The following MAP3K5 variants were observed in gnomAD, a reference collection of about 807,000 sequenced individuals.
The protein encoded by MAP3K5 is ASK-1.
Under a neutral mutation model 158.7 loss-of-function variants are expected in MAP3K5, and 56 were observed. The observed-to-expected ratio is 0.35, with a 90% CI of 0.28 to 0.44. The LOEUF (loss-of-function observed/expected upper bound fraction) is 0.44. MAP3K5 is among the 20% of genes least tolerant of loss of function. MAP3K5 has a pLI of 1.00. For synonymous variants in MAP3K5, 579 were observed against 601.7 expected (o/e 0.96, Z 0.55); for missense variants, 1,294 against 1,674.8 (o/e 0.77, Z 3.97).
At chr6:136,643,380 T>C (rs1230830216) in intron 11 of MAP3K5, among the ~76,000 whole-genome samples, 1 of 152,190 alleles carries the variant, frequency 6.6e-6, no homozygotes, top group Non-Finnish European at 1.5e-5. Flanking sequence ...AGTTTATCCA[T>C]GTGTCTAAGT....
chr6:136,649,112 G>A (rs1778405481), intron 11 of MAP3K5, among the ~76,000 whole-genome samples: 1 of 152,184 alleles, frequency 6.6e-6, no homozygotes, highest in Non-Finnish European at 1.5e-5. Context: ...GGGGATTACA[G>A]GCAAGTGCCA....
chr6:136,663,659 G>C (rs1015725958), intron 8 of MAP3K5, among the ~76,000 whole-genome samples: 1 of 148,546 alleles, frequency 6.7e-6, no homozygotes, highest in Non-Finnish European at 1.5e-5. Flanking sequence ...GCCCAGGCTG[G>C]AGTGCAGTGG....
At chr6:136,643,569 A>C (rs765184210) in intron 11 of MAP3K5, among the ~76,000 whole-genome samples, 8 of 152,192 alleles carry the variant, frequency 5.3e-5, no homozygotes, top group Non-Finnish European at 1.2e-4. Flanking sequence ...CTTTTGGCTA[A>C]AGCAACTCAA....
intron 21 of MAP3K5, chr6:136,593,817 A>G: frequency 2.7e-6 from 1 of 375,314 alleles, no homozygotes; most frequent in South Asian, 2.1e-5. Context: ...AAGGTATAAA[A>G]TTATAGAAAA....
At chr6:136,781,722 TTGATACTATCATTC>T (rs1784618897) in intron 1 of MAP3K5, among the ~76,000 whole-genome samples, 1 of 152,218 alleles carries the variant, frequency 6.6e-6, no homozygotes, top group Non-Finnish European at 1.5e-5. Context: ...AACTGATTCA[TTGATACTATCATTC>T]TGACCCAACT....
chr6:136,627,720 A>C (rs186056040), intron 14 of MAP3K5, among the ~76,000 whole-genome samples: 6 of 152,294 alleles, frequency 3.9e-5, no homozygotes, highest in Non-Finnish European at 1.5e-5. Context: ...CCAGACACTG[A>C]ATCTGCTGGT....
chr6:136,761,454 C>G (rs1263279287), intron 1 of MAP3K5, among the ~76,000 whole-genome samples: 1 of 152,132 alleles, frequency 6.6e-6, no homozygotes, highest in Admixed American at 6.6e-5. Context: ...GGATGCCACG[C>G]AGCCTGGGAA....
chr6:136,572,977 T>C (rs746448304), intron 25 of MAP3K5, among the ~76,000 whole-genome samples: 2 of 152,234 alleles, frequency 1.3e-5, no homozygotes, highest in Non-Finnish European at 2.9e-5. Flanking sequence ...ATCTCAGGTA[T>C]AGACCTAGTT....
chr6:136,767,857 C>T (rs755392734), intron 1 of MAP3K5, among the ~76,000 whole-genome samples: 15 of 152,138 alleles, frequency 9.9e-5, no homozygotes, highest in Non-Finnish European at 1.5e-4. Context: ...CAATGGAAAT[C>T]AAATGGAGAC....
At chr6:136,591,357 T>C (rs76970075) in intron 23 of MAP3K5, among the ~76,000 whole-genome samples, 4,564 of 152,368 alleles carry the variant, frequency 0.03, 234 homozygotes, top group African/African-American at 0.1. Context: ...AGTGGAATAG[T>C]GTCCTTTCCA....
Position 136,592,532 on chromosome 6 carries a change from G to T in MAP3K5, c.2961C>A (p.Pro987=). Residue 987 remains proline, a synonymous_variant, in exon 22 of 30, where the codon CCC becomes CCA. Coordinates refer to ENST00000359015, the MANE Select transcript of MAP3K5 (RefSeq NM_005923.4). ...SSSSEYGSVS[P]DTELKVDPFS... is the part of the protein sequence containing the mutation. ...AGGGGTCCACTTTCAACTCCGTGTC[G>T]GGTGAAACTGAGCCGTACTCACTGC... is the stretch of plus-strand genomic sequence containing the variant. The T allele has an allele frequency of 6.2e-7, 1 of 1,613,848 alleles. No individual in the cohort carries two copies. Among genetic ancestry groups the T allele is most frequent in the South Asian group, 1.1e-5 (1 of 91,056 alleles).
At chr6:136,683,683 C>A (rs1424934634) in intron 7 of MAP3K5, among the ~76,000 whole-genome samples, 2 of 152,070 alleles carry the variant, frequency 1.3e-5, no homozygotes, top group African/African-American at 4.8e-5. Flanking sequence ...GGGTAATTTG[C>A]CCAAGATCAC....
At chr6:136,669,824 CAGA>C (rs1287177056) in intron 7 of MAP3K5, among the ~76,000 whole-genome samples, 3 of 151,664 alleles carry the variant, frequency 2.0e-5, no homozygotes, top group Admixed American at 1.3e-4. Context: ...TGTTAAAAGT[CAGA>C]AGAAAACTAG....
chr6:136,697,185 C>A (rs1780635922), intron 5 of MAP3K5, 34 bp downstream of exon 5: 1 of 1,586,012 alleles, frequency 6.3e-7, no homozygotes, highest in Non-Finnish European at 8.6e-7. Flanking sequence ...CAACATGCTA[C>A]ACAACAAAGA....
At chr6:136,598,854 C>T (rs1453536605) in intron 21 of MAP3K5, among the ~76,000 whole-genome samples, 1 of 152,070 alleles carries the variant, frequency 6.6e-6, no homozygotes, top group East Asian at 1.9e-4. Flanking sequence ...TGAGGCAGGC[C>T]ATTTCCTATA....
At chr6:136,739,138 G>C (rs927449640) in intron 1 of MAP3K5, among the ~76,000 whole-genome samples, 3 of 152,174 alleles carry the variant, frequency 2.0e-5, no homozygotes, top group Admixed American at 1.3e-4. Flanking sequence ...GAGCTCCCCT[G>C]ACAAAGTAAT....
At position 136,627,421 on chromosome 6, in the gene MAP3K5, G is replaced by A. The variant is rs370652472; in HGVS notation, c.2017-4440C>T. 1.2e-3 allele frequency among the ~76,000 whole-genome samples: 183 copies of A among 152,222 alleles called. 4 individuals carry two copies. The South Asian group carries it at 0.037, about 31-fold the overall frequency. Reference sequence around the variant, plus strand: ...TCAGTGCCACTGCATCTATTTTATTGGCAGCTTGTTACTTTCCGGATGAAA... The same window carrying A: ...TCAGTGCCACTGCATCTATTTTATTAGCAGCTTGTTACTTTCCGGATGAAA... On this transcript the variant is annotated intron_variant, in intron 14 of 29. Coordinates refer to ENST00000359015, the MANE Select transcript of MAP3K5 (RefSeq NM_005923.4).
intron 1 of MAP3K5, among the ~76,000 whole-genome samples, chr6:136,738,522 C>A (rs1015640850): frequency 3.9e-5 from 6 of 152,170 alleles, no homozygotes; most frequent in Non-Finnish European, 7.3e-5. Context: ...AAAGAGTCTT[C>A]CAACTGGCAC....
chr6:136,588,556 A>G (rs1245198703), intron 23 of MAP3K5, among the ~76,000 whole-genome samples: 6 of 152,212 alleles, frequency 3.9e-5, no homozygotes, highest in African/African-American at 9.6e-5. Flanking sequence ...GGGGATGCAG[A>G]TATTTTTGTT....
Sources: allele counts gnomAD v4.1 joint callset (sites outside exome capture counted in the v4.1 genomes callset), GRCh38; gene constraint gnomAD v4.1.1; transcripts MANE v1.5; gene names NCBI Gene and HGNC (gene_info 2026-07-23, HGNC 2026-07-21).